C9: variants seen among roughly 807,000 people sequenced by gnomAD.
C9 encodes the protein complement component C9.
A neutral mutation model predicts 65.4 loss-of-function variants in C9; 63 were observed. That is an observed-to-expected ratio of 0.96 (90% CI 0.79 to 1.19). The LOEUF (loss-of-function observed/expected upper bound fraction) is 1.19. Ranked by LOEUF, C9 falls within the 50% of genes most tolerant of loss-of-function variation. The pLI is 0.00. For missense variants in C9, 744 were observed against 670.1 expected (o/e 1.11, Z -1.22); for synonymous variants, 229 against 227.9 (o/e 1.00, Z -0.04).
At chr5:39,355,756 G>A (rs1172688572) in intron 1 of C9, among the ~76,000 whole-genome samples, 1 of 152,156 alleles carries the variant, frequency 6.6e-6, no homozygotes, top group Non-Finnish European at 1.5e-5. Flanking sequence ...GAGGCTAGAA[G>A]TCTGAAATCA....
At chr5:39,336,115 A>C (rs1340381492) in intron 4 of C9, among the ~76,000 whole-genome samples, 1 of 152,222 alleles carries the variant, frequency 6.6e-6, no homozygotes, top group Non-Finnish European at 1.5e-5. Context: ...GATAAAATCA[A>C]TAAATATAAA....
chr5:39,326,511 T>C (rs1247495909), intron 5 of C9, among the ~76,000 whole-genome samples: 2 of 152,212 alleles, frequency 1.3e-5, no homozygotes, highest in African/African-American at 4.8e-5. Flanking sequence ...CACAAAGTTC[T>C]AAAATGAAAC....
chr5:39,356,607 A>G (rs544199069), intron 1 of C9, among the ~76,000 whole-genome samples: 1 of 152,394 alleles, frequency 6.6e-6, no homozygotes, highest in Non-Finnish European at 1.5e-5. Flanking sequence ...TTTTGCCTTC[A>G]CTGTGCCAGC....
chr5:39,291,405 T>C (rs1340066923), intron 9 of C9, among the ~76,000 whole-genome samples: 1 of 151,466 alleles, frequency 6.6e-6, no homozygotes, highest in Non-Finnish European at 1.5e-5. Context: ...GGATAGGATA[T>C]ACAGAAAGAG....
chr5:39,329,701 C>A (rs1753810260), intron 5 of C9, among the ~76,000 whole-genome samples: 1 of 152,126 alleles, frequency 6.6e-6, no homozygotes, highest in African/African-American at 2.4e-5. Context: ...AAAATTATTT[C>A]ATCCAACAAA....
chr5:39,289,316 G>C (rs1479303634), intron 9 of C9, among the ~76,000 whole-genome samples: 1 of 151,640 alleles, frequency 6.6e-6, no homozygotes, highest in Admixed American at 6.6e-5. Flanking sequence ...AATTGTTTTT[G>C]CTGCCTTCTT....
At chr5:39,348,255 T>A (rs1049326605) in intron 1 of C9, among the ~76,000 whole-genome samples, 14 of 151,970 alleles carry the variant, frequency 9.2e-5, no homozygotes, top group African/African-American at 3.4e-4. Context: ...GGGAGAAAAT[T>A]TTTGCAATCT....
At chr5:39,318,331 T>C in intron 5 of C9, among the ~76,000 whole-genome samples, 1 of 152,214 alleles carries the variant, frequency 6.6e-6, no homozygotes, top group East Asian at 1.9e-4. Context: ...TCTCTCTTCG[T>C]ATTTGAATAC....
At chr5:39,319,408 T>A (rs1579855659) in intron 5 of C9, among the ~76,000 whole-genome samples, 2 of 151,972 alleles carry the variant, frequency 1.3e-5, no homozygotes, top group Non-Finnish European at 2.9e-5. Context: ...AGACAAAGTT[T>A]CCAGCCTCAA....
At chr5:39,340,670 C>A (rs1754059661) in intron 4 of C9, among the ~76,000 whole-genome samples, 1 of 152,188 alleles carries the variant, frequency 6.6e-6, no homozygotes, top group Admixed American at 6.5e-5. Context: ...AAACTACTTC[C>A]TCTGATCACA....
intron 7 of C9, among the ~76,000 whole-genome samples, chr5:39,310,078 C>T (rs1192743004): frequency 6.6e-6 from 1 of 151,912 alleles, no homozygotes; most frequent in African/African-American, 2.4e-5. Context: ...CATTCCACTC[C>T]CCCCCGGGAA....
intron 1 of C9, among the ~76,000 whole-genome samples, chr5:39,346,288 A>C (rs1169811690): frequency 6.6e-6 from 1 of 151,082 alleles, no homozygotes; most frequent in East Asian, 1.9e-4. Context: ...ACTAATAAAG[A>C]AGAAAAGAGA....
rs1189858817 is a variant in C9, at chr5:39,331,821, A to G, written c.477-7T>C. On this transcript the variant is annotated splice_polypyrimidine_tract_variant and splice_region_variant and intron_variant, in intron 4 of 10. Coordinates refer to ENST00000263408, the MANE Select transcript of C9 (RefSeq NM_001737.5). Reference sequence around the variant, plus strand: ...CATCCCTAAAATGTTGATCCTGAGAATGAACAGAGTAGTATCAGAAGTGGA... The same window carrying G: ...CATCCCTAAAATGTTGATCCTGAGAGTGAACAGAGTAGTATCAGAAGTGGA... 1 of 1,612,722 alleles carries G rather than the reference A, an allele frequency of 6.2e-7. No homozygotes were observed. The highest frequency in any genetic ancestry group is 1.3e-5 in the African/African-American group (1 of 74,896).
intron 9 of C9, among the ~76,000 whole-genome samples, chr5:39,302,838 T>C (rs969025862): frequency 2.0e-5 from 3 of 152,210 alleles, no homozygotes; most frequent in East Asian, 3.8e-4. Context: ...TTGAATTTAC[T>C]GATCTCATGC....
chr5:39,344,919 C>A (rs1754161283), intron 1 of C9, among the ~76,000 whole-genome samples: 1 of 152,174 alleles, frequency 6.6e-6, no homozygotes. Context: ...TCCAGCCAAA[C>A]TAAGCTTCAC....
In C9 at chr5:39,329,643, A is replaced by C. The variant is rs541099217; in HGVS notation, c.615+2033T>G. Among the ~76,000 whole-genome samples, 729 of 152,348 alleles carry C rather than the reference A, an allele frequency of 4.8e-3. 4 individuals carry two copies. Among genetic ancestry groups the C allele is most frequent in the Middle Eastern group, 0.027 (8 of 294 alleles). On this transcript the variant is annotated intron_variant, in intron 5 of 10. Coordinates refer to ENST00000263408, the MANE Select transcript of C9 (RefSeq NM_001737.5). ...ATGGACCAGTATAATTCTGTCAAAAATGAAAGCCAATAAATTATTGCCAAT... is the reference window on the plus strand; with the variant it reads ...ATGGACCAGTATAATTCTGTCAAAACTGAAAGCCAATAAATTATTGCCAAT...
chr5:39,320,082 T>A (rs1051692758), intron 5 of C9, among the ~76,000 whole-genome samples: 1 of 152,160 alleles, frequency 6.6e-6, no homozygotes, highest in Admixed American at 6.5e-5. Context: ...AAGGCATAGA[T>A]ATGCATGGTC....
In C9 at chr5:39,311,224, A is replaced by C. The variant is rs749018159; in HGVS notation, c.1024T>G (p.Tyr342Asp). Residue 342 changes from tyrosine to aspartate, a missense_variant, in exon 7 of 11, where the codon TAT becomes GAT. Tyr to Asp is a radical substitution (Grantham distance 160). Coordinates refer to ENST00000263408, the MANE Select transcript of C9 (RefSeq NM_001737.5). ...KGEYFAFLET[Y>D]GTHYSSSGSL... ...CCAGAGCTACTGTAGTGAGTTCCAT[A>C]GGTTTCCAAAAAGGCAAAATATTCT... 5 of 1,613,548 alleles carry C rather than the reference A, an allele frequency of 3.1e-6. No homozygotes were observed. Among genetic ancestry groups the C allele is most frequent in the Non-Finnish European group, 3.4e-6 (4 of 1,179,494 alleles).
intron 1 of C9, among the ~76,000 whole-genome samples, chr5:39,349,494 C>G (rs1209083530): frequency 6.6e-6 from 1 of 152,240 alleles, no homozygotes; most frequent in Non-Finnish European, 1.5e-5. Context: ...GTCTTTCTGA[C>G]ATCCAAAGAA....
Sources: allele counts gnomAD v4.1 joint callset (sites outside exome capture counted in the v4.1 genomes callset), GRCh38; gene constraint gnomAD v4.1.1; transcripts MANE v1.5; gene names NCBI Gene and HGNC (gene_info 2026-07-23, HGNC 2026-07-21).